The following LRMDA variants were observed in gnomAD, a reference collection of about 807,000 sequenced individuals.
The protein encoded by LRMDA is leucine rich melanocyte differentiation associated.
A neutral mutation model predicts 29.8 loss-of-function variants in LRMDA; 18 were observed. The ratio of observed to expected loss-of-function variants is 0.60; its 90% CI spans 0.42 to 0.90. LRMDA has a LOEUF of 0.90. LRMDA is among the 40% of genes least tolerant of loss of function. The probability of loss-of-function intolerance (pLI) is 0.00; values close to 1 mark genes in which losing one functional copy is unlikely to be tolerated. For missense variants in LRMDA, 273 were observed against 273.9 expected (o/e 1.00, Z 0.02); for synonymous variants, 125 against 109.4 (o/e 1.14, Z -0.89).
chr10:75,850,647 T>C (rs1165357203), intron 2 of LRMDA, among the ~76,000 whole-genome samples: 2 of 152,120 alleles, frequency 1.3e-5, no homozygotes, highest in Non-Finnish European at 2.9e-5. Flanking sequence ...AAATATTGGT[T>C]CATCTAATAC....
chr10:75,940,608 A>T (rs955667236), intron 2 of LRMDA, among the ~76,000 whole-genome samples: 1 of 152,096 alleles, frequency 6.6e-6, no homozygotes. Context: ...TTTGCGTCCC[A>T]TCTCATCGCC....
chr10:76,542,054 C>CGTGTGTGTGTGTGTGTGTGT (rs34637437), intron 6 of LRMDA, among the ~76,000 whole-genome samples: 14 of 150,264 alleles, frequency 9.3e-5, no homozygotes, highest in African/African-American at 3.2e-4. Flanking sequence ...GGTGTGTGCA[C>CGTGTGTGTGTGTGTGTGTGT]GTGTGTGTGT....
intron 6 of LRMDA, among the ~76,000 whole-genome samples, chr10:76,352,514 C>T (rs903444528): frequency 6.6e-6 from 1 of 152,076 alleles, no homozygotes; most frequent in Non-Finnish European, 1.5e-5. Flanking sequence ...CGATGACTCA[C>T]ATCCTGGGCA....
At chr10:75,651,843 C>T (rs1841603682) in intron 2 of LRMDA, among the ~76,000 whole-genome samples, 1 of 152,104 alleles carries the variant, frequency 6.6e-6, no homozygotes, top group Non-Finnish European at 1.5e-5. Flanking sequence ...ATGGTATGAG[C>T]CCCTAAAGCA....
intron 6 of LRMDA, among the ~76,000 whole-genome samples, chr10:76,492,409 G>T (rs901680153): frequency 1.3e-5 from 2 of 151,954 alleles, no homozygotes; most frequent in Non-Finnish European, 2.9e-5. Context: ...TAAGGAACAC[G>T]CCAAACCCAT....
intron 6 of LRMDA, among the ~76,000 whole-genome samples, chr10:76,362,200 G>A (rs907004453): frequency 6.6e-6 from 1 of 152,302 alleles, no homozygotes; most frequent in Middle Eastern, 3.4e-3. Context: ...CCACGGGCTA[G>A]TGAATAAAAT....
chr10:75,717,215 T>TC (rs1349169158), intron 2 of LRMDA, among the ~76,000 whole-genome samples: 2 of 151,302 alleles, frequency 1.3e-5, no homozygotes. Flanking sequence ...CCTTGGGGAG[T>TC]CCCCCCCAGG....
intron 3 of LRMDA, among the ~76,000 whole-genome samples, chr10:76,042,371 C>T (rs1313775143): frequency 6.6e-6 from 1 of 152,180 alleles, no homozygotes. Context: ...GATTCATTGG[C>T]AAAGGATGGC....
In LRMDA at chr10:75,522,076, G is replaced by A. The variant is rs556454740; in HGVS notation, c.131+83582G>A. Among the ~76,000 whole-genome samples, 15 of 152,332 alleles carry A rather than the reference G, an allele frequency of 9.8e-5. No homozygotes were observed. The South Asian group carries it at 2.9e-3, about 29-fold the overall frequency. Reference sequence around the variant, plus strand: ...ACTGGGCAGCAGTGGTGGTGTCAATGGTGGGAGTAATAAAAAGTGATTGCT... The same window carrying A: ...ACTGGGCAGCAGTGGTGGTGTCAATAGTGGGAGTAATAAAAAGTGATTGCT... On this transcript the variant is annotated intron_variant, in intron 2 of 6. Transcript: ENST00000611255.
chr10:76,333,014 G>A (rs537838239), intron 6 of LRMDA, among the ~76,000 whole-genome samples: 16 of 152,290 alleles, frequency 1.1e-4, no homozygotes, highest in South Asian at 2.1e-4. Context: ...AAAAGATAGC[G>A]TGCAATGTAG....
intron 6 of LRMDA, among the ~76,000 whole-genome samples, chr10:76,412,557 G>A (rs182883043): frequency 6.6e-6 from 1 of 152,278 alleles, no homozygotes; most frequent in African/African-American, 2.4e-5. Context: ...CTTTCTAGGT[G>A]AGATGATGGT....
intron 6 of LRMDA, among the ~76,000 whole-genome samples, chr10:76,338,209 C>A (rs1840993323): frequency 6.6e-6 from 1 of 151,860 alleles, no homozygotes; most frequent in South Asian, 2.1e-4. Context: ...AATGCAGAAC[C>A]AAGACCCAGC....
rs563191573 is a variant in LRMDA at position 76,141,247 on chromosome 10, A to T, written c.516+82464A>T. ...CTTCTCTGTTAATCTGTCTTTTGTT[A>T]TGGGGGTCCATTCCAACTAAGAACA... On this transcript the variant is annotated intron_variant, in intron 5 of 6. Transcript: ENST00000611255. 3.9e-5 allele frequency among the ~76,000 whole-genome samples: 6 copies of T among 152,186 alleles called. No individual in the cohort carries two copies. In the South Asian group the frequency reaches 1.2e-3, roughly 32 times the overall value.
At chr10:75,626,018 T>A (rs76872023) in intron 2 of LRMDA, among the ~76,000 whole-genome samples, 1 of 142,480 alleles carries the variant, frequency 7.0e-6, no homozygotes, top group Admixed American at 6.9e-5. Context: ...TGCCTGGCTA[T>A]TTTTTTTTTT....
intron 5 of LRMDA, among the ~76,000 whole-genome samples, chr10:76,292,269 G>T (rs1840351197): frequency 6.6e-6 from 1 of 152,142 alleles, no homozygotes; most frequent in African/African-American, 2.4e-5. Flanking sequence ...ATCCACTGAA[G>T]GAATTCGAGG....
At chr10:76,081,469 A>G (rs1286073918) in intron 5 of LRMDA, among the ~76,000 whole-genome samples, 1 of 152,238 alleles carries the variant, frequency 6.6e-6, no homozygotes, top group Non-Finnish European at 1.5e-5. Flanking sequence ...AAGTGAAAGT[A>G]ACACTATTGG....
intron 2 of LRMDA, among the ~76,000 whole-genome samples, chr10:75,550,984 A>G (rs894070851): frequency 6.6e-6 from 1 of 151,646 alleles, no homozygotes; most frequent in Non-Finnish European, 1.5e-5. Flanking sequence ...TTACTTTTAC[A>G]TATGTTATAA....
At chr10:75,559,753 C>T (rs377018947) in intron 2 of LRMDA, among the ~76,000 whole-genome samples, 1 of 135,810 alleles carries the variant, frequency 7.4e-6, no homozygotes, top group Non-Finnish European at 1.6e-5. Context: ...CTATATATGG[C>T]TAGCCAGTTT....
At chr10:76,494,326 C>CT (rs34885811) in intron 6 of LRMDA, among the ~76,000 whole-genome samples, 38,322 of 138,478 alleles carry the variant, frequency 0.28, 5,636 homozygotes, top group Non-Finnish European at 0.34. Flanking sequence ...GGCTACATAG[C>CT]TTTTTTTTTT....
Sources: gnomAD v4.1 joint callset for allele counts (sites outside exome capture counted in the v4.1 genomes callset) on GRCh38, gnomAD v4.1.1 for gene constraint, MANE v1.5 for transcripts, NCBI Gene and HGNC (gene_info 2026-07-23, HGNC 2026-07-21) for gene names.